The following PTPN9 variants were observed in gnomAD, a reference collection of about 807,000 sequenced individuals.
The protein encoded by PTPN9 is tyrosine-protein phosphatase non-receptor type 9.
A neutral mutation model predicts 69.8 loss-of-function variants in PTPN9; 26 were observed. The observed-to-expected ratio is 0.37, with a 90% CI of 0.27 to 0.52. The LOEUF is 0.52. Among genes scored for constraint, PTPN9 ranks in the 20% least tolerant of loss-of-function variants. The probability of loss-of-function intolerance (pLI) is 0.91; values close to 1 mark genes in which losing one functional copy is unlikely to be tolerated. For missense variants in PTPN9, 549 were observed against 740.3 expected (o/e 0.74, Z 3.00); for synonymous variants, 274 against 272.5 (o/e 1.01, Z -0.05).
chr15:75,476,751 T>G (rs2074598919), intron 9 of PTPN9, among the ~76,000 whole-genome samples: 1 of 152,226 alleles, frequency 6.6e-6, no homozygotes, highest in African/African-American at 2.4e-5. Context: ...TGTTCTACAA[T>G]GGACATGCAT....
chr15:75,545,300 G>A (rs938467659), intron 1 of PTPN9, among the ~76,000 whole-genome samples: 10 of 152,128 alleles, frequency 6.6e-5, no homozygotes, highest in African/African-American at 2.2e-4. Flanking sequence ...GAGCATGGTG[G>A]TTCACACTTG....
chr15:75,513,084 A>G (rs2074851876), intron 5 of PTPN9: 4 of 372,828 alleles, frequency 1.1e-5, no homozygotes, highest in South Asian at 8.2e-5. Flanking sequence ...TTCGCTGCTG[A>G]CCAAGCTGCC....
intron 5 of PTPN9, among the ~76,000 whole-genome samples, chr15:75,511,802 G>C (rs1021635035): frequency 6.6e-6 from 1 of 151,706 alleles, no homozygotes; most frequent in African/African-American, 2.4e-5. Flanking sequence ...TTGTTTTCAG[G>C]CCTAAATAAT....
intron 1 of PTPN9, among the ~76,000 whole-genome samples, chr15:75,546,482 A>G (rs2075033563): frequency 6.6e-6 from 1 of 152,008 alleles, no homozygotes; most frequent in Non-Finnish European, 1.5e-5. Flanking sequence ...TCTCTACTAA[A>G]AGCATAAAAA....
intron 8 of PTPN9, among the ~76,000 whole-genome samples, chr15:75,489,205 C>G (rs2074696109): frequency 6.6e-6 from 1 of 150,694 alleles, no homozygotes; most frequent in Non-Finnish European, 1.5e-5. Context: ...AAAATTTGTC[C>G]TAATGTTACC....
intron 1 of PTPN9, among the ~76,000 whole-genome samples, chr15:75,550,814 GT>G (rs201805092): frequency 1.2e-4 from 18 of 151,524 alleles, no homozygotes; most frequent in East Asian, 2.0e-4. Flanking sequence ...AAAATAAAAA[GT>G]TTTTTTTTCT....
At chr15:75,469,564 G>A (rs1418035262) in intron 12 of PTPN9, among the ~76,000 whole-genome samples, 1 of 152,202 alleles carries the variant, frequency 6.6e-6, no homozygotes, top group Non-Finnish European at 1.5e-5. Flanking sequence ...GCGTTATGAT[G>A]GGGTGTATAA....
chr15:75,570,595 C>A (rs544039623), intron 1 of PTPN9, among the ~76,000 whole-genome samples: 1 of 152,000 alleles, frequency 6.6e-6, no homozygotes. Context: ...CATGGTAAAA[C>A]CCCCCTCTAC....
At position 75,467,750 on chromosome 15, in the gene PTPN9, A is replaced by G. The variant is rs1008173045; in HGVS notation, c.*1019T>C. ...CGATTGCATTTGGCTCTGGCTGCTC[A>G]GTGAGTTCATCTCTACCCTCCGCCT... On this transcript the variant is annotated 3_prime_UTR_variant, in exon 13 of 13. Transcript: ENST00000618819. The G allele has an allele frequency of 1.3e-5, 2 of 152,534 alleles. No homozygotes were observed. Among genetic ancestry groups the G allele is most frequent in the Non-Finnish European group, 2.9e-5 (2 of 68,014 alleles). 9.4% of individuals were successfully genotyped at this position (152,534 alleles called of 1,614,324 possible). A position where few individuals can be genotyped will look rare whatever the true frequency, so the allele number is the denominator to read the frequency against.
chr15:75,540,865 C>T (rs1431898842), intron 1 of PTPN9, among the ~76,000 whole-genome samples: 1 of 151,588 alleles, frequency 6.6e-6, no homozygotes, highest in Non-Finnish European at 1.5e-5. Flanking sequence ...ATCGCTTGAG[C>T]CCAGGAGTTT....
chr15:75,520,434 T>C (rs553029883), intron 4 of PTPN9, among the ~76,000 whole-genome samples: 16 of 125,354 alleles, frequency 1.3e-4, no homozygotes, highest in Non-Finnish European at 2.4e-4. Context: ...CTTTAGGGTA[T>C]AGAATAGATA....
intron 7 of PTPN9, among the ~76,000 whole-genome samples, chr15:75,498,593 T>G (rs749579325): frequency 2.0e-5 from 3 of 151,994 alleles, no homozygotes; most frequent in Non-Finnish European, 4.4e-5. Flanking sequence ...TGCACGCCTG[T>G]AATCCCAGCT....
At chr15:75,551,023 T>A (rs969087391) in intron 1 of PTPN9, among the ~76,000 whole-genome samples, 11 of 152,194 alleles carry the variant, frequency 7.2e-5, no homozygotes, top group African/African-American at 2.7e-4. Flanking sequence ...GCTTATAGTG[T>A]GCTGGGCCAT....
At chr15:75,469,114 T>C (rs1453907918) in intron 12 of PTPN9, 131 bp from the exon 13 acceptor site, 2 of 828,426 alleles carry the variant, frequency 2.4e-6, no homozygotes, top group East Asian at 2.7e-5. Flanking sequence ...CAGGTGGCCT[T>C]AGGCCTGAAA....
intron 7 of PTPN9, among the ~76,000 whole-genome samples, chr15:75,502,731 C>T (rs1024954979): frequency 1.8e-4 from 28 of 152,006 alleles, no homozygotes; most frequent in African/African-American, 6.3e-4. Context: ...TAATGTTATA[C>T]CATAAATGTT....
At chr15:75,485,535 ATTTTTTGTATT>A (rs891492219) in intron 8 of PTPN9, among the ~76,000 whole-genome samples, 24 of 149,060 alleles carry the variant, frequency 1.6e-4, no homozygotes, top group Non-Finnish European at 3.4e-4. Context: ...CGCCCGGCTA[ATTTTTTGTATT>A]TTTTTAGTAG....
intron 10 of PTPN9, among the ~76,000 whole-genome samples, chr15:75,473,263 T>C (rs1029860684): frequency 6.6e-6 from 1 of 151,818 alleles, no homozygotes; most frequent in Non-Finnish European, 1.5e-5. Flanking sequence ...TTTTTTTTTT[T>C]AATTGAGACA....
chr15:75,522,355 GT>G (rs1265305635), intron 4 of PTPN9, among the ~76,000 whole-genome samples: 2 of 151,924 alleles, frequency 1.3e-5, no homozygotes, highest in Non-Finnish European at 2.9e-5. Context: ...CTCCCTGAAT[GT>G]TTTTTTGTTG....
chr15:75,519,401 A>G (rs566050028), intron 4 of PTPN9, among the ~76,000 whole-genome samples: 88 of 149,070 alleles, frequency 5.9e-4, no homozygotes, highest in Admixed American at 1.3e-3. Flanking sequence ...CACTATGCCC[A>G]GCCTCAAAGT....
Sources: gnomAD v4.1 joint callset for allele counts (sites outside exome capture counted in the v4.1 genomes callset) on GRCh38, gnomAD v4.1.1 for gene constraint, MANE v1.5 for transcripts, NCBI Gene and HGNC (gene_info 2026-07-23, HGNC 2026-07-21) for gene names.